Variants in CFAP47 observed in about 807,000 individuals in gnomAD.
The protein encoded by CFAP47 is cilia- and flagella-associated protein 47.
Under a neutral mutation model 148.1 loss-of-function variants are expected in CFAP47, and 29 were observed. The observed-to-expected ratio is 0.20, with a 90% confidence interval of 0.15 to 0.27. The LOEUF is 0.27. CFAP47 is among the 10% of genes least tolerant of loss of function. The probability of loss-of-function intolerance (pLI) is 1.00; values close to 1 mark genes in which losing one functional copy is unlikely to be tolerated. For missense variants in CFAP47, 1,872 were observed against 1,697.5 expected, an observed-to-expected ratio of 1.10 and a Z score of -1.81; for synonymous variants, 664 against 577.3, an observed-to-expected ratio of 1.15 and a Z score of -2.15.
chrX:35,921,475 CA>C (rs1455880358), intron 1 of CFAP47, among the ~76,000 whole-genome samples: 1 of 111,944 alleles, frequency 8.9e-6, no homozygotes, highest in Non-Finnish European at 1.9e-5. Context: ...TCTTTTGAAA[CA>C]AGCTGGTGGT....
At chrX:36,169,865 G>A (rs865775934) in intron 39 of CFAP47, among the ~76,000 whole-genome samples, 11 of 111,692 alleles carry the variant, frequency 9.8e-5, no homozygotes, top group Middle Eastern at 4.6e-3. Context: ...TGGTGTGGTA[G>A]GTGTTCTCCC....
intron 7 of CFAP47, among the ~76,000 whole-genome samples, 158 bp from the exon 8 acceptor site, chrX:35,955,803 C>T (rs111571802): frequency 5.3e-5 from 6 of 112,692 alleles, no homozygotes; most frequent in African/African-American, 9.6e-5. Flanking sequence ...ATCCGCAAGG[C>T]GTGACACAGA....
chrX:35,931,701 T>C (rs1935828419), intron 2 of CFAP47, among the ~76,000 whole-genome samples: 1 of 111,655 alleles, frequency 9.0e-6, no homozygotes, highest in South Asian at 3.7e-4. Flanking sequence ...TGCATAATTA[T>C]TGTAGTGGTT....
chrX:36,069,007 T>C (rs771085781), intron 27 of CFAP47, among the ~76,000 whole-genome samples: 5 of 109,328 alleles, frequency 4.6e-5, no homozygotes, highest in African/African-American at 1.3e-4. Context: ...TGACATAATA[T>C]TTTTATATTC....
rs755905770 is a variant in CFAP47 at position 35,946,556 on chromosome X, C to A, written c.518-1758C>A. On this transcript the variant is annotated intron_variant, in intron 3 of 63. Transcript: ENST00000378653. ...TTTTTGATTTATGATATAAAATTAACTTCAAATATTATGCTGTTAGCACAT... is the reference window on the plus strand; with the variant it reads ...TTTTTGATTTATGATATAAAATTAAATTCAAATATTATGCTGTTAGCACAT... 3.6e-5 allele frequency among the ~76,000 whole-genome samples: 4 copies of A among 111,629 alleles called. No individual in the cohort carries two copies. The South Asian group carries it at 1.5e-3, about 42-fold the overall frequency.
chrX:36,239,503 C>T (rs1311766515), intron 48 of CFAP47, among the ~76,000 whole-genome samples: 1 of 111,998 alleles, frequency 8.9e-6, no homozygotes, highest in Non-Finnish European at 1.9e-5. Context: ...TACTATTTGA[C>T]CTTTTTCCAA....
intron 36 of CFAP47, among the ~76,000 whole-genome samples, chrX:36,146,967 G>A (rs150195488): frequency 9.1e-6 from 1 of 110,272 alleles, no homozygotes; most frequent in East Asian, 2.9e-4. Flanking sequence ...ATTTTTAGTA[G>A]AGACGGAGTT....
chrX:35,999,521 C>A lies in CFAP47; in HGVS notation c.3178-762C>A, dbSNP rs140689151. On this transcript the variant is annotated intron_variant, in intron 19 of 63. Coordinates refer to ENST00000378653, the MANE Select transcript of CFAP47 (RefSeq NM_001304548.2). ...TACAAAAATGAATCACGCTAAGGTC[C>A]AGTAGAAGAGACAGATAAGTAAATA... Among the ~76,000 whole-genome samples, 601 of 111,717 alleles carry A rather than the reference C, an allele frequency of 5.4e-3. 6 individuals carry two copies. The highest frequency in any genetic ancestry group is 0.019 in the African/African-American group (576 of 30,824).
At chrX:35,981,703 G>A (rs1936647628) in intron 15 of CFAP47, among the ~76,000 whole-genome samples, 2 of 110,799 alleles carry the variant, frequency 1.8e-5, no homozygotes, top group Non-Finnish European at 3.8e-5. Flanking sequence ...AGTACGCAAA[G>A]TCTGTTGTCC....
At chrX:36,194,997 A>G (rs1316846813) in intron 42 of CFAP47, among the ~76,000 whole-genome samples, 2 of 112,561 alleles carry the variant, frequency 1.8e-5, no homozygotes, top group African/African-American at 6.4e-5. Context: ...TACTGAACAT[A>G]TGACACAGTC....
rs1310830474 is a variant in CFAP47 at position 36,361,344 on chromosome X, C to T, written c.8866C>T (p.His2956Tyr). The change falls in exon 61 of 64, where the codon CAT becomes TAT. Residue 2956 changes from histidine (H) to tyrosine (Y), a missense_variant. By Grantham distance (83) the His-to-Tyr change is moderately conservative. Transcript: ENST00000378653. ...GACTTTCCTAGAAATTCCTAAAATA[C>T]ATGAATTCGAGTATGAAATTCAATT... ...CEDPNEIPKIHEFEYEIQFES... is the reference protein window; with the variant it reads ...CEDPNEIPKIYEFEYEIQFES... 5 of 1,101,014 alleles carry T rather than the reference C, an allele frequency of 4.5e-6. No individual in the cohort carries two copies. The highest frequency in any genetic ancestry group is 4.8e-6 in the Non-Finnish European group (4 of 827,287). 90.7% of individuals were successfully genotyped at this position (1,101,014 alleles called of 1,213,427 possible).
At chrX:36,312,549 G>T (rs1941402345) in intron 56 of CFAP47, among the ~76,000 whole-genome samples, 1 of 111,336 alleles carries the variant, frequency 9.0e-6, no homozygotes, top group Admixed American at 9.6e-5. Context: ...GCGTATCAAT[G>T]GATCTTTCCA....
At chrX:36,276,507 A>T (rs1556002710) in intron 49 of CFAP47, among the ~76,000 whole-genome samples, 1 of 112,029 alleles carries the variant, frequency 8.9e-6, no homozygotes, top group Non-Finnish European at 1.9e-5. Flanking sequence ...GTGTTATTTT[A>T]GCTTTAAATA....
chrX:36,091,555 A>G (rs1938186316), intron 30 of CFAP47, among the ~76,000 whole-genome samples: 1 of 111,634 alleles, frequency 9.0e-6, no homozygotes, highest in Non-Finnish European at 1.9e-5. Flanking sequence ...TTTGACTGTA[A>G]TGAAGATTCA....
intron 57 of CFAP47, among the ~76,000 whole-genome samples, chrX:36,347,917 C>T (rs782393860): frequency 2.7e-5 from 3 of 111,450 alleles, no homozygotes; most frequent in Non-Finnish European, 5.6e-5. Flanking sequence ...TAACCCAGAA[C>T]TTAAAGTATA....
At chrX:36,121,676 T>G (rs996230413) in intron 33 of CFAP47, among the ~76,000 whole-genome samples, 1 of 111,410 alleles carries the variant, frequency 9.0e-6, no homozygotes, top group Admixed American at 9.5e-5. Context: ...TGTCTTAACT[T>G]CATCCCTCCC....
intron 39 of CFAP47, among the ~76,000 whole-genome samples, chrX:36,171,497 G>C (rs1316994222): frequency 9.4e-6 from 1 of 106,381 alleles, no homozygotes; most frequent in Non-Finnish European, 1.9e-5. Context: ...AAGGGATCCA[G>C]TTTCAGCTTT....
At chrX:36,066,828 C>T (rs1937647095) in intron 27 of CFAP47, among the ~76,000 whole-genome samples, 2 of 111,384 alleles carry the variant, frequency 1.8e-5, no homozygotes, top group African/African-American at 6.5e-5. Flanking sequence ...TTAATTCTTT[C>T]CAAATCTAAC....
intron 55 of CFAP47, among the ~76,000 whole-genome samples, chrX:36,308,379 C>T (rs1569314224): frequency 9.0e-6 from 1 of 110,899 alleles, no homozygotes; most frequent in Non-Finnish European, 1.9e-5. Flanking sequence ...AGGTCTAGAC[C>T]TCCTCAACCT....
Sources: allele counts gnomAD v4.1 joint callset (sites outside exome capture counted in the v4.1 genomes callset), GRCh38; gene constraint gnomAD v4.1.1; transcripts MANE v1.5; gene names NCBI Gene and HGNC (gene_info 2026-07-23, HGNC 2026-07-21).